UGT1A8: variants seen among roughly 807,000 people sequenced by gnomAD.
UGT1A8 encodes the protein UDP-glucuronosyltransferase 1A8.
In UGT1A8, 39 loss-of-function variants were observed where a neutral mutation model predicts 45.3. The observed-to-expected ratio is 0.86, with a 90% confidence interval of 0.67 to 1.12. UGT1A8 has a LOEUF of 1.12. Ranked by LOEUF, UGT1A8 falls within the 50% of genes most tolerant of loss-of-function variation. The pLI, the probability that UGT1A8 is intolerant of heterozygous loss-of-function variation, is 0.00. For synonymous variants in UGT1A8, 275 were observed against 249.2 expected, an observed-to-expected ratio of 1.10 and a Z score of -0.97; for missense variants, 719 against 664.9, an observed-to-expected ratio of 1.08 and a Z score of -0.90.
chr2:233,756,049 A>G (rs1408892544), intron 1 of UGT1A8: 1 of 152,200 alleles, frequency 6.6e-6, no homozygotes, highest in Admixed American at 6.5e-5. Flanking sequence ...GGAAAACTCC[A>G]CTGTACACTT....
At chr2:233,732,755 G>GTT (rs956485327) in intron 1 of UGT1A8, among the ~76,000 whole-genome samples, 69 of 120,202 alleles carry the variant, frequency 5.7e-4, no homozygotes, top group African/African-American at 1.5e-3. Context: ...CACCAGCTTT[G>GTT]TTTTTTTTTT....
chr2:233,651,723 G>A (rs2073746030), intron 1 of UGT1A8, among the ~76,000 whole-genome samples: 1 of 152,170 alleles, frequency 6.6e-6, no homozygotes, highest in South Asian at 2.1e-4. Flanking sequence ...GACAACAGGA[G>A]TCATAGTCTG....
chr2:233,689,772 G>T (rs954831614), intron 1 of UGT1A8: 2 of 320,366 alleles, frequency 6.2e-6, no homozygotes, highest in East Asian at 1.0e-4. Context: ...ACAACTCGGG[G>T]ACATATGTTA....
chr2:233,678,745 C>G (rs1490676757), intron 1 of UGT1A8, among the ~76,000 whole-genome samples: 1 of 147,482 alleles, frequency 6.8e-6, no homozygotes, highest in South Asian at 2.2e-4. Context: ...GATTGGAAAG[C>G]ACTCATCTCT....
At chr2:233,705,462 GAC>G (rs1373100771) in intron 1 of UGT1A8, among the ~76,000 whole-genome samples, 2 of 152,176 alleles carry the variant, frequency 1.3e-5, no homozygotes, top group African/African-American at 2.4e-5. Flanking sequence ...TTTTTTAGCA[GAC>G]ACACATGAGG....
chr2:233,768,039 G>A, intron 3 of UGT1A8, 103 bp downstream of exon 3: 1 of 1,610,920 alleles, frequency 6.2e-7, no homozygotes, highest in Non-Finnish European at 8.5e-7. Context: ...AAATATTATG[G>A]CCAACATATC....
At chr2:233,631,889 T>G (rs1044125778) in intron 1 of UGT1A8, among the ~76,000 whole-genome samples, 2 of 152,206 alleles carry the variant, frequency 1.3e-5, no homozygotes, top group Admixed American at 1.3e-4. Flanking sequence ...TTTTGGTGTT[T>G]TAGTTATGAA....
In UGT1A8 at chr2:233,624,011, G is replaced by T. The variant is rs577793852; in HGVS notation, c.855+5449G>T. Reference sequence around the variant, plus strand: ...ATACTTTATTTTAGAATAAATAGAGGTTTATAGCAAGGTTGCAACAAATAG... The same window carrying T: ...ATACTTTATTTTAGAATAAATAGAGTTTTATAGCAAGGTTGCAACAAATAG... On this transcript the variant is annotated intron_variant, in intron 1 of 4. Coordinates refer to ENST00000373450, the MANE Select transcript of UGT1A8 (RefSeq NM_019076.5). Among the ~76,000 whole-genome samples, 79 of 152,162 alleles carry T rather than the reference G, an allele frequency of 5.2e-4. 1 individual carries two copies. Among genetic ancestry groups the T allele is most frequent in the African/African-American group, 1.6e-3 (68 of 41,506 alleles).
rs1187265864 is a variant in UGT1A8 at position 233,756,550 on chromosome 2, C to T, written c.856-10484C>T. Among the ~76,000 whole-genome samples the T allele has an allele frequency of 2.0e-5, 3 of 152,052 alleles. No homozygotes were observed. In the South Asian group the frequency reaches 6.2e-4, roughly 32 times the overall value. On this transcript the variant is annotated intron_variant, in intron 1 of 4. Transcript: ENST00000373450. ...TCACTTTTCTTGACTGCTAAAACAA[C>T]CAGGGAGATCCTCTCAGACAAAAGG...
At chr2:233,737,076 G>C (rs183644627) in intron 1 of UGT1A8, among the ~76,000 whole-genome samples, 1 of 152,350 alleles carries the variant, frequency 6.6e-6, no homozygotes, top group East Asian at 1.9e-4. Flanking sequence ...CTTCAGAGCT[G>C]TCAGACAGGG....
Position 233,618,232 on chromosome 2 carries a change from C to A in UGT1A8, c.525C>A (p.His175Gln), listed in dbSNP as rs201695290. Residue 175 changes from histidine to glutamine, a missense_variant, in exon 1 of 5, where the codon CAC becomes CAA. His to Gln is a conservative substitution (Grantham distance 24, BLOSUM62 0). Transcript: ENST00000373450. ...TCTTCGCCAGGGGAATAGCTTGCCACTATCTTGAAGAAGGTGCACAGTGCC... is the reference window on the plus strand; with the variant it reads ...TCTTCGCCAGGGGAATAGCTTGCCAATATCTTGAAGAAGGTGCACAGTGCC... ...SVVFARGIAC[H>Q]YLEEGAQCPA... The A allele has an allele frequency of 4.3e-5, 69 of 1,613,824 alleles. No individual in the cohort carries two copies. The highest frequency in any genetic ancestry group is 5.7e-5 in the Non-Finnish European group (67 of 1,179,880).
chr2:233,743,701 C>G (rs13009407), intron 1 of UGT1A8: 330,777 of 1,367,248 alleles, frequency 0.24, 43,102 homozygotes, highest in South Asian at 0.3. Flanking sequence ...CGCCCTCCGC[C>G]CCCGCCTCGC....
chr2:233,753,368 C>G (rs1222809761), intron 1 of UGT1A8: 1 of 152,204 alleles, frequency 6.6e-6, no homozygotes, highest in Non-Finnish European at 1.5e-5. Context: ...GGGTGCCATT[C>G]CATGCAGATT....
At chr2:233,620,061 T>G (rs1006617173) in intron 1 of UGT1A8, among the ~76,000 whole-genome samples, 5 of 152,204 alleles carry the variant, frequency 3.3e-5, no homozygotes, top group African/African-American at 1.2e-4. Flanking sequence ...GGAGTATACA[T>G]TTTTGTCTAT....
At chr2:233,770,376 A>T (rs1000336049) in intron 4 of UGT1A8, 3 of 152,228 alleles carry the variant, frequency 2.0e-5, no homozygotes, top group African/African-American at 4.8e-5. Flanking sequence ...AGTTCTGGCC[A>T]GGTACGGTGG....
intron 1 of UGT1A8, among the ~76,000 whole-genome samples, chr2:233,666,509 C>A (rs2074077918): frequency 6.6e-6 from 1 of 152,106 alleles, no homozygotes; most frequent in Non-Finnish European, 1.5e-5. Flanking sequence ...ATTCTCTGTT[C>A]AAATCTTTGC....
At chr2:233,715,777 A>C (rs1241643049) in intron 1 of UGT1A8, among the ~76,000 whole-genome samples, 12 of 152,166 alleles carry the variant, frequency 7.9e-5, no homozygotes, top group Admixed American at 1.3e-4. Context: ...ATCTCAAAAA[A>C]ATAAAAATTT....
intron 1 of UGT1A8, among the ~76,000 whole-genome samples, chr2:233,644,135 G>A (rs2073537044): frequency 6.6e-6 from 1 of 152,118 alleles, no homozygotes; most frequent in Admixed American, 6.5e-5. Flanking sequence ...TCACCTAAGA[G>A]TTGCAATCTT....
chr2:233,653,689 C>T (rs987575015), intron 1 of UGT1A8, among the ~76,000 whole-genome samples: 16 of 152,146 alleles, frequency 1.1e-4, no homozygotes, highest in Non-Finnish European at 1.8e-4. Context: ...ATCTGCTGCC[C>T]GAGTTCAAGC....
Sources: gnomAD v4.1 joint callset for allele counts (sites outside exome capture counted in the v4.1 genomes callset) on GRCh38, gnomAD v4.1.1 for gene constraint, MANE v1.5 for transcripts, NCBI Gene and HGNC (gene_info 2026-07-23, HGNC 2026-07-21) for gene names.